Variants in PTPRT observed in about 807,000 individuals in gnomAD.
The protein encoded by PTPRT is receptor-type tyrosine-protein phosphatase T.
A neutral mutation model predicts 176.8 loss-of-function variants in PTPRT; 56 were observed. The observed-to-expected ratio is 0.32, with a 90% CI of 0.26 to 0.40. PTPRT has a LOEUF of 0.40. Ranked by LOEUF, PTPRT falls within the 10% of genes least tolerant of loss-of-function variation. PTPRT has a pLI of 1.00. For synonymous variants in PTPRT, 783 were observed against 739.0 expected (o/e 1.06, Z -0.96); for missense variants, 1,540 against 1,908.2 (o/e 0.81, Z 3.60).
chr20:42,434,524 G>A (rs2059244072), intron 9 of PTPRT, among the ~76,000 whole-genome samples: 1 of 151,932 alleles, frequency 6.6e-6, no homozygotes, highest in African/African-American at 2.4e-5. Context: ...TAAGACTTGG[G>A]ACATAATCTT....
chr20:42,803,944 A>T (rs1322055325), intron 2 of PTPRT, among the ~76,000 whole-genome samples: 2 of 152,148 alleles, frequency 1.3e-5, no homozygotes, highest in African/African-American at 4.8e-5. Context: ...TCCCTACCCC[A>T]GTGAGGGCCA....
At chr20:42,922,401 C>A (rs770845125) in intron 1 of PTPRT, among the ~76,000 whole-genome samples, 1 of 152,178 alleles carries the variant, frequency 6.6e-6, no homozygotes, top group South Asian at 2.1e-4. Flanking sequence ...CTGACTACTC[C>A]CAATTTCACA....
rs550647058 is a variant in PTPRT, at chr20:42,309,672, AG to A, written c.2139+6050del. 1.8e-4 allele frequency among the ~76,000 whole-genome samples: 27 copies of A among 152,336 alleles called. No homozygotes were observed. In the East Asian group the frequency reaches 5.2e-3, roughly 29 times the overall value. On this transcript the variant is annotated intron_variant, in intron 12 of 30. Transcript: ENST00000373187. ...GTATATATTACTATTTCAATTTATAAGTGAGGAAACAGATTCATAGACAACA... is the reference window on the plus strand; with the variant it reads ...GTATATATTACTATTTCAATTTATAATGAGGAAACAGATTCATAGACAACA...
At chr20:42,040,727 T>C in the PTPRT span, among the ~76,000 whole-genome samples, 4 of 152,146 alleles carry the variant, frequency 2.6e-5, no homozygotes, top group East Asian at 1.9e-4. Flanking sequence ...AGATCTGACA[T>C]AAATACATCA....
chr20:42,534,104 G>A (rs1414769876), intron 7 of PTPRT, among the ~76,000 whole-genome samples: 1 of 152,192 alleles, frequency 6.6e-6, no homozygotes, highest in Non-Finnish European at 1.5e-5. Flanking sequence ...CAAAAGATGA[G>A]CAGACAGGTG....
At chr20:42,462,725 T>G (rs908304538) in intron 8 of PTPRT, among the ~76,000 whole-genome samples, 1 of 152,178 alleles carries the variant, frequency 6.6e-6, no homozygotes, top group Non-Finnish European at 1.5e-5. Context: ...GCTCTTGTTT[T>G]GTTTTTTCCT....
chr20:42,623,105 C>A (rs1350979257), intron 7 of PTPRT, among the ~76,000 whole-genome samples: 1 of 152,204 alleles, frequency 6.6e-6, no homozygotes, highest in Non-Finnish European at 1.5e-5. Context: ...GGAGAGCCAC[C>A]TCCACCACTC....
chr20:42,271,222 C>T (rs189653237), intron 13 of PTPRT, among the ~76,000 whole-genome samples: 1 of 152,212 alleles, frequency 6.6e-6, no homozygotes, highest in Non-Finnish European at 1.5e-5. Context: ...CCAAGCATGA[C>T]AACAGCTTTC....
intron 7 of PTPRT, among the ~76,000 whole-genome samples, chr20:42,649,364 A>G (rs2074986275): frequency 6.6e-6 from 1 of 152,170 alleles, no homozygotes; most frequent in Admixed American, 6.5e-5. Flanking sequence ...CCCTCCCATG[A>G]CACGTGGGAA....
At chr20:42,122,913 C>T (rs897261963) in intron 19 of PTPRT, among the ~76,000 whole-genome samples, 2 of 152,246 alleles carry the variant, frequency 1.3e-5, no homozygotes, top group Admixed American at 6.5e-5. Context: ...GCTTCAGCCT[C>T]ACCAAGCTGC....
At chr20:42,282,611 G>A (rs1600776898) in intron 12 of PTPRT, 86 bp from the exon 13 acceptor site, 3 of 1,022,360 alleles carry the variant, frequency 2.9e-6, no homozygotes, top group Non-Finnish European at 4.4e-6. Context: ...ATATATATTT[G>A]CATATATATT....
chr20:42,392,091 C>T (rs551004748), intron 9 of PTPRT, among the ~76,000 whole-genome samples: 3 of 152,206 alleles, frequency 2.0e-5, no homozygotes, highest in Non-Finnish European at 2.9e-5. Flanking sequence ...CTGATGCCAA[C>T]TCCCTACCTC....
chr20:42,246,568 T>C (rs2056454807), intron 14 of PTPRT, among the ~76,000 whole-genome samples: 1 of 152,222 alleles, frequency 6.6e-6, no homozygotes, highest in Non-Finnish European at 1.5e-5. Flanking sequence ...TATTTTATAG[T>C]TGCTCCTACC....
At chr20:42,477,951 A>G (rs1339300926) in intron 7 of PTPRT, among the ~76,000 whole-genome samples, 2 of 152,184 alleles carry the variant, frequency 1.3e-5, no homozygotes, top group Admixed American at 6.5e-5. Context: ...TCGGGGGCCA[A>G]TGGGCTGGCC....
At chr20:43,111,546 G>GAAA (rs11424029) in intron 1 of PTPRT, among the ~76,000 whole-genome samples, 18 of 83,400 alleles carry the variant, frequency 2.2e-4, no homozygotes, top group Non-Finnish European at 3.5e-4. Flanking sequence ...TCCGTCTCAG[G>GAAA]AAAAAAAAAA....
At chr20:42,359,064 C>T (rs6102800) in intron 9 of PTPRT, among the ~76,000 whole-genome samples, 23,672 of 152,236 alleles carry the variant, frequency 0.16, 2,665 homozygotes, top group East Asian at 0.58. Flanking sequence ...TCAGCACCAC[C>T]TGGGAGCTTG....
chr20:42,637,024 A>G (rs1303418470), intron 7 of PTPRT, among the ~76,000 whole-genome samples: 2 of 152,078 alleles, frequency 1.3e-5, no homozygotes, highest in Non-Finnish European at 2.9e-5. Context: ...ATGAGGAGAG[A>G]GAGCACACAG....
chr20:42,839,139 C>T (rs1259911508), intron 2 of PTPRT, among the ~76,000 whole-genome samples: 1 of 152,096 alleles, frequency 6.6e-6, no homozygotes, highest in African/African-American at 2.4e-5. Context: ...GAGGTAGGCT[C>T]TTCTTGCATA....
chr20:42,690,463 G>A (rs1030165718), intron 6 of PTPRT, among the ~76,000 whole-genome samples: 11 of 152,168 alleles, frequency 7.2e-5, no homozygotes, highest in African/African-American at 1.9e-4. Flanking sequence ...GTTGGGTTGG[G>A]AGACTGAAAG....
Sources: allele counts gnomAD v4.1 joint callset (sites outside exome capture counted in the v4.1 genomes callset), GRCh38; gene constraint gnomAD v4.1.1; transcripts MANE v1.5; gene names NCBI Gene and HGNC (gene_info 2026-07-23, HGNC 2026-07-21).